Variants in SEC16B observed in about 807,000 individuals in gnomAD.
SEC16B encodes SEC16 homolog B, endoplasmic reticulum export factor, also known as protein transport protein Sec16B.
In SEC16B, 115 loss-of-function variants were observed where a neutral mutation model predicts 141.8. That is an observed-to-expected ratio of 0.81 (90% confidence interval 0.70 to 0.95). The LOEUF (loss-of-function observed/expected upper bound fraction) is 0.95. Among genes scored for constraint, SEC16B ranks in the 40% least tolerant of loss-of-function variants. The probability of loss-of-function intolerance (pLI) is 0.00; values close to 1 mark genes in which losing one functional copy is unlikely to be tolerated. For synonymous variants in SEC16B, 493 were observed against 492.5 expected, an observed-to-expected ratio of 1.00 and a Z score of -0.01; for missense variants, 1,291 against 1,312.3, an observed-to-expected ratio of 0.98 and a Z score of 0.25.
chr1:177,945,172 A>T (rs1237091432), intron 14 of SEC16B, among the ~76,000 whole-genome samples: 1 of 152,222 alleles, frequency 6.6e-6, no homozygotes, highest in Non-Finnish European at 1.5e-5. Context: ...GCCAGAAATC[A>T]AACACGGGTC....
intron 1 of SEC16B, among the ~76,000 whole-genome samples, chr1:177,983,760 C>A (rs796936547): frequency 3.3e-5 from 5 of 152,284 alleles, no homozygotes; most frequent in African/African-American, 1.2e-4. Context: ...TCAGTTTTAA[C>A]CAACTTGAAT....
upstream of SEC16B, among the ~76,000 whole-genome samples, chr1:177,971,725 G>A (rs1026011655): frequency 1.3e-5 from 2 of 152,192 alleles, no homozygotes; most frequent in Non-Finnish European, 2.9e-5. Flanking sequence ...ATCCAAACAA[G>A]TGAAATGATT....
At chr1:177,973,122 A>G (rs764318390), upstream of SEC16B, 15 of 152,340 alleles carry the variant, frequency 9.8e-5, no homozygotes, top group Non-Finnish European at 1.6e-4. Flanking sequence ...GTCTAGCAAA[A>G]GTATTATCAC....
chr1:177,972,677 G>C (rs150325980), upstream of SEC16B, among the ~76,000 whole-genome samples: 9 of 152,080 alleles, frequency 5.9e-5, no homozygotes, highest in African/African-American at 2.2e-4. Flanking sequence ...TCCAAATGCC[G>C]GACAGCACTG....
intron 15 of SEC16B, among the ~76,000 whole-genome samples, chr1:177,943,240 G>A (rs2101925002): frequency 6.6e-6 from 1 of 152,296 alleles, no homozygotes; most frequent in South Asian, 2.1e-4. Context: ...GAGCTCATGG[G>A]GCAAGGTTTT....
chr1:177,952,701 A>G (rs1046457253), intron 11 of SEC16B, among the ~76,000 whole-genome samples: 5 of 152,214 alleles, frequency 3.3e-5, no homozygotes, highest in African/African-American at 1.2e-4. Context: ...GCAGAGATGT[A>G]TGCTACAATG....
At chr1:177,964,919 C>T (rs892644807) in intron 4 of SEC16B, 128 bp downstream of exon 4, 7 of 1,131,006 alleles carry the variant, frequency 6.2e-6, no homozygotes, top group African/African-American at 6.1e-5. Flanking sequence ...TTCCCATATC[C>T]CTGTGGCTAC....
At chr1:177,954,442 A>T (rs1652443015) in intron 10 of SEC16B, 66 bp from the exon 11 acceptor site, 1 of 1,328,702 alleles carries the variant, frequency 7.5e-7, no homozygotes, top group African/African-American at 1.5e-5. Context: ...TCCTGTGCTT[A>T]GGTGCTGCTG....
intron 10 of SEC16B, 40 bp downstream of exon 10, chr1:177,958,092 T>C: frequency 1.5e-6 from 2 of 1,372,922 alleles, no homozygotes; most frequent in Non-Finnish European, 1.9e-6. Context: ...GGGATGGTGA[T>C]TGCTTTTTCA....
At position 177,939,787 on chromosome 1, in the gene SEC16B, ATAAAG is replaced by A; in HGVS notation, c.2128-15_2128-11del. 1.3e-6 allele frequency: 2 copies of A among 1,554,692 alleles called. No individual in the cohort carries two copies. The highest frequency in any genetic ancestry group is 1.7e-6 in the Non-Finnish European group (2 of 1,144,864). On this transcript the variant is annotated splice_polypyrimidine_tract_variant and intron_variant, in intron 17 of 25. Coordinates refer to ENST00000308284, the MANE Select transcript of SEC16B (RefSeq NM_033127.4). Reference sequence around the variant, plus strand: ...CTCCTGCTACCTTTTGCTATTTAAAATAAAGTAAAATTCCTTTTAAGCAGCACAAA... The same window carrying A: ...CTCCTGCTACCTTTTGCTATTTAAAATAAAATTCCTTTTAAGCAGCACAAA...
intron 12 of SEC16B, chr1:177,948,263 G>A: frequency 8.9e-7 from 1 of 1,123,066 alleles, no homozygotes; most frequent in Non-Finnish European, 1.2e-6. Flanking sequence ...GATAGCTAGA[G>A]ACAAAACTCA....
rs201534252 is a variant in SEC16B at position 177,964,155 on chromosome 1, C to T, written c.642+16G>A. ...ACATGGCCACAGTCTCCAGCCCCCACGTCACTTTAGGTTACCTTATTTTTC... is the reference window on the plus strand; with the variant it reads ...ACATGGCCACAGTCTCCAGCCCCCATGTCACTTTAGGTTACCTTATTTTTC... On this transcript the variant is annotated intron_variant, in intron 5 of 25. Transcript: ENST00000308284. 37 of 1,587,412 alleles carry T rather than the reference C, an allele frequency of 2.3e-5. No individual in the cohort carries two copies. The East Asian group carries it at 2.9e-4, about 13-fold the overall frequency.
chr1:177,957,933 G>C (rs758484897), intron 10 of SEC16B, among the ~76,000 whole-genome samples, 199 bp downstream of exon 10: 1 of 151,746 alleles, frequency 6.6e-6, no homozygotes, highest in Non-Finnish European at 1.5e-5. Context: ...TTCTGTACCT[G>C]GCTTATTTCA....
intron 24 of SEC16B, 71 bp downstream of exon 24, chr1:177,932,419 C>G (rs1350123009): frequency 8.4e-7 from 1 of 1,191,938 alleles, no homozygotes; most frequent in African/African-American, 1.5e-5. Flanking sequence ...GCACTGCCCA[C>G]ACTGAAGGTT....
intron 10 of SEC16B, among the ~76,000 whole-genome samples, chr1:177,956,748 G>A (rs1285200995): frequency 2.0e-5 from 3 of 151,998 alleles, no homozygotes; most frequent in East Asian, 3.9e-4. Flanking sequence ...ATACACATTC[G>A]GTAGAAACTG....
intron 1 of SEC16B, among the ~76,000 whole-genome samples, chr1:177,979,793 G>A (rs1451606228): frequency 6.6e-6 from 1 of 152,192 alleles, no homozygotes. Context: ...TTATGTGGAT[G>A]GCAGCAGGCA....
intron 15 of SEC16B, among the ~76,000 whole-genome samples, chr1:177,942,502 T>C (rs2101923080): frequency 1.3e-5 from 2 of 152,208 alleles, no homozygotes; most frequent in Admixed American, 1.3e-4. Context: ...ACTCCGTCTC[T>C]ACTAAAAATA....
chr1:177,945,377 A>G (rs529289609), intron 14 of SEC16B: 1 of 152,368 alleles, frequency 6.6e-6, no homozygotes, highest in South Asian at 2.1e-4. Context: ...TCCTCATTCA[A>G]CATAAACCAA....
Position 177,954,320 on chromosome 1 carries a change from G to T in SEC16B, c.1422C>A (p.Ser474=). 6.4e-7 allele frequency: 1 copy of T among 1,574,192 alleles called. No homozygotes were observed. Among genetic ancestry groups the T allele is most frequent in the East Asian group, 2.3e-5 (1 of 42,720 alleles). The part of the protein sequence containing the change: ...NHLWGHALFL[S]SKMDPQTYSW... ...TGTAGGTCTGTGGGTCCATCTTGCT[G>T]GACAGGAACAAAGCATGGCCCCACA... Residue 474 remains serine (S), a synonymous_variant, in exon 11 of 26, where the codon TCC becomes TCA. Transcript: ENST00000308284.
Sources: allele counts gnomAD v4.1 joint callset (sites outside exome capture counted in the v4.1 genomes callset), GRCh38; gene constraint gnomAD v4.1.1; transcripts MANE v1.5; gene names NCBI Gene and HGNC (gene_info 2026-07-23, HGNC 2026-07-21).